WDR49: variants seen among roughly 807,000 people sequenced by gnomAD.
The protein encoded by WDR49 is cilia- and flagella-associated protein 337.
A neutral mutation model predicts 119.5 loss-of-function variants in WDR49; 107 were observed. That is an observed-to-expected ratio of 0.90 (90% CI 0.77 to 1.05). WDR49 has a LOEUF of 1.05. Among genes scored for constraint, WDR49 ranks in the 50% least tolerant of loss-of-function variants. The pLI is 0.00. For missense variants in WDR49, 1,240 were observed against 1,220.5 expected, an observed-to-expected ratio of 1.02 and a Z score of -0.24; for synonymous variants, 425 against 418.8, an observed-to-expected ratio of 1.01 and a Z score of -0.18.
At chr3:167,575,250 T>G in intron 8 of WDR49, 1 of 985,964 alleles carries the variant, frequency 1.0e-6, no homozygotes, top group South Asian at 4.7e-5. Context: ...CTGAGCTCAC[T>G]GGCTTCACTG....
At chr3:167,496,273 C>G (rs73878727) in intron 18 of WDR49, among the ~76,000 whole-genome samples, 1 of 151,968 alleles carries the variant, frequency 6.6e-6, no homozygotes, top group African/African-American at 2.4e-5. Context: ...AAATAAATGC[C>G]GAGTCCTTAG....
chr3:167,592,731 C>A (rs532656184), intron 7 of WDR49, among the ~76,000 whole-genome samples: 2 of 152,232 alleles, frequency 1.3e-5, no homozygotes, highest in South Asian at 4.2e-4. Flanking sequence ...CTGCTCCTAG[C>A]CAGATGATTT....
intron 18 of WDR49, among the ~76,000 whole-genome samples, chr3:167,482,669 ACT>A (rs1750764408): frequency 1.4e-5 from 2 of 147,346 alleles, no homozygotes. Context: ...ACAGAACGAG[ACT>A]CTGTCTCAAA....
In WDR49 at chr3:167,626,848, G is replaced by A. The variant is rs1253404395; in HGVS notation, c.606+4C>T. ...CAGTACATTTTTTTATAAAGAGTCTGTACCTTGTTTACATTTTCCAGAGAA... is the reference window on the plus strand; with the variant it reads ...CAGTACATTTTTTTATAAAGAGTCTATACCTTGTTTACATTTTCCAGAGAA... On this transcript the variant is annotated splice_donor_region_variant and intron_variant, in intron 3 of 18. Transcript: ENST00000682715. 19 of 1,248,132 alleles carry A rather than the reference G, an allele frequency of 1.5e-5. No individual in the cohort carries two copies. Among genetic ancestry groups the A allele is most frequent in the Non-Finnish European group, 1.9e-5 (19 of 996,156 alleles). 77.3% of individuals were successfully genotyped at this position (1,248,132 alleles called of 1,614,324 possible).
chr3:167,580,507 G>A (rs951724822), intron 7 of WDR49, among the ~76,000 whole-genome samples: 1 of 151,994 alleles, frequency 6.6e-6, no homozygotes, highest in African/African-American at 2.4e-5. Flanking sequence ...TTTATTCCCA[G>A]GCATTTCCTT....
At chr3:167,579,359 A>T (rs1714420311) in intron 7 of WDR49, among the ~76,000 whole-genome samples, 1 of 152,192 alleles carries the variant, frequency 6.6e-6, no homozygotes, top group Non-Finnish European at 1.5e-5. Context: ...CCCACAAAAA[A>T]GTCTGCCTCA....
At position 167,636,665 on chromosome 3, in the gene WDR49, G is replaced by T. The variant is rs940437627; in HGVS notation, c.166-9373C>A. 2.6e-5 allele frequency among the ~76,000 whole-genome samples: 4 copies of T among 151,584 alleles called. No homozygotes were observed. The East Asian group carries it at 7.8e-4, about 29-fold the overall frequency. ...TCCATGCCAACATGTATTAGTTTTTGATTTTTTGATTATGGTCATTCTGCA... is the reference window on the plus strand; with the variant it reads ...TCCATGCCAACATGTATTAGTTTTTTATTTTTTGATTATGGTCATTCTGCA... On this transcript the variant is annotated intron_variant, in intron 2 of 18. Transcript: ENST00000682715.
chr3:167,530,734 C>T (rs1234102731), intron 13 of WDR49, among the ~76,000 whole-genome samples: 2 of 152,104 alleles, frequency 1.3e-5, no homozygotes, highest in Admixed American at 1.3e-4. Context: ...TCAGACTCAA[C>T]TTTTCTGCTA....
rs138256715 is a variant in WDR49, at chr3:167,599,748, G to A, written c.1275+2379C>T. Among the ~76,000 whole-genome samples, 21 of 150,706 alleles carry A rather than the reference G, an allele frequency of 1.4e-4. No homozygotes were observed. In the East Asian group the frequency reaches 3.3e-3, roughly 24 times the overall value. On this transcript the variant is annotated intron_variant, in intron 7 of 18. Coordinates refer to ENST00000682715, the MANE Select transcript of WDR49 (RefSeq NM_001366157.1). Reference sequence around the variant, plus strand: ...CATGGTGTACTATCTGGCTATCTCTGCTGTTTATTTAGAGCTCAAGGAAGT... The same window carrying A: ...CATGGTGTACTATCTGGCTATCTCTACTGTTTATTTAGAGCTCAAGGAAGT...
intron 10 of WDR49, among the ~76,000 whole-genome samples, chr3:167,545,709 C>T (rs1046704662): frequency 5.3e-5 from 8 of 149,586 alleles, no homozygotes; most frequent in African/African-American, 1.5e-4. Context: ...TGGGTACTTG[C>T]GGGGAAGGGT....
chr3:167,506,534 TA>T (rs891220635), intron 16 of WDR49, among the ~76,000 whole-genome samples: 5 of 152,206 alleles, frequency 3.3e-5, no homozygotes, highest in African/African-American at 1.2e-4. Context: ...CTTTAAGTAG[TA>T]ATGTATTAAT....
At chr3:167,516,686 C>T (rs1327155159) in intron 16 of WDR49, among the ~76,000 whole-genome samples, 3 of 152,006 alleles carry the variant, frequency 2.0e-5, no homozygotes, top group Non-Finnish European at 4.4e-5. Flanking sequence ...CTGACTTCCA[C>T]AATGGTTGAA....
intron 7 of WDR49, among the ~76,000 whole-genome samples, chr3:167,581,082 G>T (rs1180275930): frequency 6.6e-6 from 1 of 152,058 alleles, no homozygotes; most frequent in Non-Finnish European, 1.5e-5. Flanking sequence ...TGGGAGCTCT[G>T]TATTTCATCT....
At chr3:167,629,562 C>A (rs77341297) in intron 2 of WDR49, among the ~76,000 whole-genome samples, 2 of 152,042 alleles carry the variant, frequency 1.3e-5, no homozygotes, top group Admixed American at 6.6e-5. Flanking sequence ...TAAAAAATAT[C>A]TTTTATATGG....
intron 5 of WDR49, among the ~76,000 whole-genome samples, chr3:167,617,806 G>A (rs1019692488): frequency 2.6e-5 from 4 of 152,160 alleles, no homozygotes; most frequent in Admixed American, 2.6e-4. Context: ...AGAGCTGCCT[G>A]TTTCTGTCCT....
At chr3:167,633,902 T>C (rs183296683) in intron 2 of WDR49, among the ~76,000 whole-genome samples, 2 of 152,094 alleles carry the variant, frequency 1.3e-5, no homozygotes, top group Admixed American at 6.6e-5. Flanking sequence ...CAAGCATTAA[T>C]TATTGTTGAC....
chr3:167,533,888 G>A (rs1422354643), intron 11 of WDR49, among the ~76,000 whole-genome samples: 1 of 152,024 alleles, frequency 6.6e-6, no homozygotes, highest in African/African-American at 2.4e-5. Flanking sequence ...TTGGGATTAG[G>A]GGAGAGGAGA....
At chr3:167,626,444 G>A (rs1290781582) in intron 3 of WDR49, among the ~76,000 whole-genome samples, 1 of 152,000 alleles carries the variant, frequency 6.6e-6, no homozygotes, top group African/African-American at 2.4e-5. Flanking sequence ...ATATGAAGAT[G>A]TTTAGACTGA....
chr3:167,627,076 G>A lies in WDR49; in HGVS notation c.382C>T (p.Gln128Ter). 1.5e-6 allele frequency: 2 copies of A among 1,290,548 alleles called. No individual in the cohort carries two copies. The highest frequency in any genetic ancestry group is 2.0e-6 in the Non-Finnish European group (2 of 1,018,826). 79.9% of individuals were successfully genotyped at this position (1,290,548 alleles called of 1,614,324 possible). ...GGGAGGAATTCAAGGTCCTTCCACT[G>A]GGGCACCACAGTTGCCTTTGCTCGT... ...DERAKATVVPQWKDLEFLPVK... is the reference protein window; with the variant it reads ...DERAKATVVP The change falls in exon 3 of 19, where the codon CAG (glutamine) becomes TAG (stop). Residue 128 changes from glutamine to a stop codon, truncating the protein, a stop_gained. Coordinates refer to ENST00000682715, the MANE Select transcript of WDR49 (RefSeq NM_001366157.1). LOFTEE classifies it high-confidence loss of function.
Sources: allele counts gnomAD v4.1 joint callset (sites outside exome capture counted in the v4.1 genomes callset), GRCh38; gene constraint gnomAD v4.1.1; transcripts MANE v1.5; gene names NCBI Gene and HGNC (gene_info 2026-07-23, HGNC 2026-07-21).